MAML2: variants seen among roughly 807,000 people sequenced by gnomAD.
MAML2 encodes the protein mastermind like transcriptional coactivator 2.
A neutral mutation model predicts 96.1 loss-of-function variants in MAML2; 22 were observed. The ratio of observed to expected loss-of-function variants is 0.23; its 90% CI spans 0.16 to 0.33. The LOEUF is 0.33. Among genes scored for constraint, MAML2 ranks in the 10% least tolerant of loss-of-function variants. The pLI is 1.00. For missense variants in MAML2, 1,367 were observed against 1,392.4 expected (o/e 0.98, Z 0.29); for synonymous variants, 561 against 521.3 (o/e 1.08, Z -1.04).
chr11:96,180,587 T>G (rs1010266247), intron 1 of MAML2, among the ~76,000 whole-genome samples: 4 of 152,144 alleles, frequency 2.6e-5, no homozygotes, highest in Non-Finnish European at 5.9e-5. Context: ...TCCAGTCCCT[T>G]GGTCTGTAAG....
intron 1 of MAML2, among the ~76,000 whole-genome samples, chr11:96,193,471 T>C (rs1565244076): frequency 6.6e-6 from 1 of 152,232 alleles, no homozygotes; most frequent in Non-Finnish European, 1.5e-5. Flanking sequence ...CAATCTCTAC[T>C]TGGCAGAACA....
intron 1 of MAML2, among the ~76,000 whole-genome samples, chr11:96,266,422 T>C (rs1862828108): frequency 6.6e-6 from 1 of 151,808 alleles, no homozygotes; most frequent in Non-Finnish European, 1.5e-5. Context: ...TACAAAAAAA[T>C]TAGCTGGGCG....
chr11:96,228,013 G>C (rs569712011), intron 1 of MAML2, among the ~76,000 whole-genome samples: 4 of 152,318 alleles, frequency 2.6e-5, no homozygotes, highest in African/African-American at 9.6e-5. Context: ...GAGGTGGAAG[G>C]ATCACTTGAA....
chr11:96,324,743 G>T (rs746785243), intron 1 of MAML2, among the ~76,000 whole-genome samples: 1 of 152,076 alleles, frequency 6.6e-6, no homozygotes, highest in Non-Finnish European at 1.5e-5. Flanking sequence ...AGAGCTTCAG[G>T]TCTCTCCCTA....
chr11:96,228,413 A>C (rs1444371529), intron 1 of MAML2, among the ~76,000 whole-genome samples: 2 of 151,192 alleles, frequency 1.3e-5, no homozygotes, highest in Non-Finnish European at 3.0e-5. Context: ...TCAGAAGAGA[A>C]ATGAAGTCAC....
intron 1 of MAML2, among the ~76,000 whole-genome samples, chr11:96,326,487 GA>G (rs905671571): frequency 1.3e-5 from 2 of 151,884 alleles, no homozygotes; most frequent in African/African-American, 4.8e-5. Flanking sequence ...TCCCTTTGCT[GA>G]AAGTCTTAAA....
At chr11:96,282,943 C>T (rs1336245965) in intron 1 of MAML2, among the ~76,000 whole-genome samples, 1 of 152,176 alleles carries the variant, frequency 6.6e-6, no homozygotes, top group Non-Finnish European at 1.5e-5. Flanking sequence ...CACTTTCTAG[C>T]AGACAATTCA....
chr11:96,240,684 A>G lies in MAML2; in HGVS notation c.513+100699T>C, dbSNP rs546443313. Among the ~76,000 whole-genome samples, 97 of 152,024 alleles carry G rather than the reference A, an allele frequency of 6.4e-4. 2 individuals carry two copies. The South Asian group carries it at 8.7e-3, about 14-fold the overall frequency. ...GCTCAATTTTAAATGCAATTACCAC[A>G]TTATAATCTTGGCAAGACCCACTGT... On this transcript the variant is annotated intron_variant, in intron 1 of 4. Transcript: ENST00000524717.
At chr11:96,231,463 A>G (rs1742396139) in intron 1 of MAML2, among the ~76,000 whole-genome samples, 1 of 152,140 alleles carries the variant, frequency 6.6e-6, no homozygotes, top group Admixed American at 6.5e-5. Flanking sequence ...TCAATCACGT[A>G]ATATTTAGTG....
At chr11:96,094,443 C>A (rs1348245813) in intron 1 of MAML2, among the ~76,000 whole-genome samples, 1 of 152,122 alleles carries the variant, frequency 6.6e-6, no homozygotes, top group Non-Finnish European at 1.5e-5. Context: ...TTAGAAAGTG[C>A]CTGTTACAGT....
chr11:96,074,934 C>G (rs1859411007), intron 2 of MAML2, among the ~76,000 whole-genome samples: 2 of 152,068 alleles, frequency 1.3e-5, no homozygotes, highest in South Asian at 4.2e-4. Flanking sequence ...GCATATTTTG[C>G]TTTTGATTTT....
intron 1 of MAML2, among the ~76,000 whole-genome samples, chr11:96,295,937 AACACACACACACACACAC>A (rs56231526): frequency 2.2e-5 from 3 of 137,780 alleles, no homozygotes; most frequent in South Asian, 2.5e-4. Context: ...CAGAACAGTA[AACACACACACACACACAC>A]ACACACACAC....
chr11:96,064,121 G>T (rs1017005378), intron 2 of MAML2, among the ~76,000 whole-genome samples: 2 of 152,214 alleles, frequency 1.3e-5, no homozygotes, highest in African/African-American at 4.8e-5. Flanking sequence ...TAGTACCAAG[G>T]CTCCTAAGCA....
At chr11:95,983,522 T>C (rs2135702139) in intron 4 of MAML2, among the ~76,000 whole-genome samples, 1 of 152,300 alleles carries the variant, frequency 6.6e-6, no homozygotes, top group East Asian at 1.9e-4. Flanking sequence ...AAGGATAATT[T>C]ATACTATGTT....
intron 1 of MAML2, among the ~76,000 whole-genome samples, chr11:96,214,711 G>A (rs921834504): frequency 2.0e-5 from 3 of 152,184 alleles, no homozygotes; most frequent in African/African-American, 7.2e-5. Context: ...TGTCCTGAGT[G>A]GCAGTGATTG....
chr11:96,214,431 C>T (rs941382349), intron 1 of MAML2, among the ~76,000 whole-genome samples: 1 of 152,146 alleles, frequency 6.6e-6, no homozygotes, highest in African/African-American at 2.4e-5. Context: ...TTTGGGGGTT[C>T]TTATAAAGAT....
intron 1 of MAML2, among the ~76,000 whole-genome samples, chr11:96,194,235 G>A (rs1264265356): frequency 6.6e-6 from 1 of 152,204 alleles, no homozygotes; most frequent in Non-Finnish European, 1.5e-5. Context: ...TCTGGGGAGT[G>A]GGAAGTGGTG....
intron 1 of MAML2, among the ~76,000 whole-genome samples, chr11:96,114,659 G>T (rs909778333): frequency 1.3e-5 from 2 of 152,224 alleles, no homozygotes; most frequent in Admixed American, 6.5e-5. Context: ...CTCTCACCAT[G>T]AAAGGGAATT....
chr11:96,322,410 G>A (rs1259491232), intron 1 of MAML2, among the ~76,000 whole-genome samples: 2 of 152,282 alleles, frequency 1.3e-5, no homozygotes, highest in Non-Finnish European at 2.9e-5. Flanking sequence ...TAGAAAAGAA[G>A]AAAATGGGCG....
Sources: gnomAD v4.1 joint callset for allele counts (sites outside exome capture counted in the v4.1 genomes callset) on GRCh38, gnomAD v4.1.1 for gene constraint, MANE v1.5 for transcripts, NCBI Gene and HGNC (gene_info 2026-07-23, HGNC 2026-07-21) for gene names.